TNK1: variants seen among roughly 807,000 people sequenced by gnomAD.
TNK1 encodes non-receptor tyrosine-protein kinase TNK1.
In TNK1, 53 loss-of-function variants were observed where a neutral mutation model predicts 65.2. That is an observed-to-expected ratio of 0.81 (90% confidence interval 0.65 to 1.02). TNK1 has a LOEUF of 1.02. Among genes scored for constraint, TNK1 ranks in the 50% least tolerant of loss-of-function variants. The pLI is 0.00. For missense variants in TNK1, 837 were observed against 878.4 expected (o/e 0.95, Z 0.60); for synonymous variants, 353 against 364.6 (o/e 0.97, Z 0.36).
intron 8 of TNK1, 22 bp downstream of exon 8, chr17:7,386,677 A>T: frequency 6.4e-7 from 1 of 1,552,130 alleles, no homozygotes; most frequent in Non-Finnish European, 8.7e-7. Flanking sequence ...ATACCTCCCA[A>T]GCACCCTCAG....
In TNK1 at chr17:7,383,694, T is replaced by TC; in HGVS notation, c.427-9dup. On this transcript the variant is annotated splice_polypyrimidine_tract_variant and intron_variant, in intron 4 of 12. Transcript: ENST00000688331. ...CATGCCCGCAATGCCTAAAGGCGCT[T>TC]CCCCCCACCTCCAGGTCCCAGTGGC... The TC allele has an allele frequency of 6.2e-7, 1 of 1,610,116 alleles. No individual in the cohort carries two copies. Among genetic ancestry groups the TC allele is most frequent in the Non-Finnish European group, 8.5e-7 (1 of 1,178,014 alleles).
In TNK1 at chr17:7,387,238, A is replaced by G. The variant is rs572639759; in HGVS notation, c.1397+84A>G. On this transcript the variant is annotated intron_variant, in intron 9 of 12. Coordinates refer to ENST00000688331, the MANE Select transcript of TNK1 (RefSeq NM_003985.6). ...GCTTCTCTGGAAGAGAAGCCTGGGG[A>G]CAGGACCAGAGTGAAGCTGCAGCCT... 27 of 1,512,496 alleles carry G rather than the reference A, an allele frequency of 1.8e-5. No homozygotes were observed. In the South Asian group the frequency reaches 2.5e-4, roughly 14 times the overall value. 93.7% of individuals were successfully genotyped at this position (1,512,496 alleles called of 1,614,324 possible). A position where few individuals can be genotyped will look rare whatever the true frequency, so the allele number is the denominator to read the frequency against.
chr17:7,384,055 G>A lies in TNK1; in HGVS notation c.668G>A (p.Cys223Tyr). 6.5e-7 allele frequency: 1 copy of A among 1,534,502 alleles called. No individual in the cohort carries two copies. The highest frequency in any genetic ancestry group is 1.4e-5 in the African/African-American group (1 of 72,774). ...PTPPLLVALL[C>Y]LFLRQLAGAM... The stretch of plus-strand genomic sequence containing the variant: ...CCCCCGCTGCTCGTGGCCCTGCTCT[G>A]CCTCTTCCTGCGGCAGCTGGCGGGA... Residue 223 changes from cysteine to tyrosine, a missense_variant, in exon 6 of 13, where the codon TGC (cysteine) becomes TAC (tyrosine). Coordinates refer to ENST00000688331, the MANE Select transcript of TNK1 (RefSeq NM_003985.6).
chr17:7,384,637 C>A lies in TNK1; in HGVS notation c.1020C>A (p.Ala340=). 1 of 1,610,102 alleles carries A rather than the reference C, an allele frequency of 6.2e-7. No individual in the cohort carries two copies. Among genetic ancestry groups the A allele is most frequent in the Non-Finnish European group, 8.5e-7 (1 of 1,178,594 alleles). The part of the protein sequence containing the change: ...YLILQRLEDR[A]RLPRPPLCSR... ...TCCTGCAGCGGCTGGAGGACAGAGC[C>A]CGGCTGCCTAGGCCTCCCCTCTGCT... is the stretch of plus-strand genomic sequence containing the variant. The change falls in exon 7 of 13, where the codon GCC becomes GCA. Residue 340 remains alanine (A), a synonymous_variant. Transcript: ENST00000688331.
chr17:7,389,141 G>A lies in TNK1; in HGVS notation c.*57G>A. 7.2e-7 allele frequency: 1 copy of A among 1,381,288 alleles called. No homozygotes were observed. The highest frequency in any genetic ancestry group is 1.0e-6 in the Non-Finnish European group (1 of 997,164). The allele number at this position is 1,381,288 out of a possible 1,614,324, so 85.6% of individuals were successfully genotyped here. On this transcript the variant is annotated 3_prime_UTR_variant, in exon 13 of 13. Coordinates refer to ENST00000688331, the MANE Select transcript of TNK1 (RefSeq NM_003985.6). ...GAAAAGCCTAGGCCCCTGAGGGCCT[G>A]GCCACATGGGACCAAGCGGAACCAG...
Position 7,382,038 on chromosome 17 carries a change from C to A in TNK1, c.-91-798C>A, listed in dbSNP as rs948640110. Among the ~76,000 whole-genome samples the A allele has an allele frequency of 6.6e-6, 1 of 152,158 alleles. No individual in the cohort carries two copies. Among genetic ancestry groups the A allele is most frequent in the African/African-American group, 2.4e-5 (1 of 41,446 alleles). ...ATCCCAGCACTTTGGGTGGCCGAGGCGGGCGGATCACGAGGTCAGGAGTTC... is the reference window on the plus strand; with the variant it reads ...ATCCCAGCACTTTGGGTGGCCGAGGAGGGCGGATCACGAGGTCAGGAGTTC... On this transcript the variant is annotated intron_variant, in intron 1 of 12. Coordinates refer to ENST00000688331, the MANE Select transcript of TNK1 (RefSeq NM_003985.6). This position sits in a 1 kb window ranked among gnomAD's most constrained non-coding sequence, Gnocchi z 4.1.
Position 7,383,099 on chromosome 17 carries a change from C to T in TNK1, c.163+10C>T. 2 of 1,613,816 alleles carry T rather than the reference C, an allele frequency of 1.2e-6. No homozygotes were observed. The highest frequency in any genetic ancestry group is 1.7e-6 in the Non-Finnish European group (2 of 1,179,808). ...GGCATGGGCCGGCCTGGTGAGGGAC[C>T]CCTGCCCCGAGGCCCTGGTCTCTCT... is the stretch of plus-strand genomic sequence containing the variant. On this transcript the variant is annotated intron_variant, in intron 2 of 12. Transcript: ENST00000688331.
At position 7,382,287 on chromosome 17, in the gene TNK1, A is replaced by G. The variant is rs2143085844; in HGVS notation, c.-91-549A>G. 6.8e-6 allele frequency among the ~76,000 whole-genome samples: 1 copy of G among 147,640 alleles called. No individual in the cohort carries two copies. Among genetic ancestry groups the G allele is most frequent in the African/African-American group, 2.5e-5 (1 of 40,316 alleles). On this transcript the variant is annotated intron_variant, in intron 1 of 12. Transcript: ENST00000688331. This position sits in a 1 kb window ranked among gnomAD's most constrained non-coding sequence, Gnocchi z 4.1. ...TCTCAAAAAAAAAAAAAAAGAGGACATGTATTTGGGAGTCTCGGCCATGTT... is the reference window on the plus strand; with the variant it reads ...TCTCAAAAAAAAAAAAAAAGAGGACGTGTATTTGGGAGTCTCGGCCATGTT...
At chr17:7,385,146 C>T (rs971907545) in intron 7 of TNK1, among the ~76,000 whole-genome samples, 1 of 152,096 alleles carries the variant, frequency 6.6e-6, no homozygotes, top group African/African-American at 2.4e-5. Flanking sequence ...GGGCAGATCA[C>T]CTGAGGTCGG....
In TNK1 at chr17:7,388,085, G is replaced by C. The variant is rs11867353; in HGVS notation, c.1478-321G>C. 0.069 allele frequency among the ~76,000 whole-genome samples: 10,451 copies of C among 152,192 alleles called. 406 individuals are homozygous for C. The highest frequency in any genetic ancestry group is 0.18 in the East Asian group (921 of 5,156). Reference sequence around the variant, plus strand: ...AACCACCCAGGGACAGGGCTGGCTAGCTCATCTGCAAATGCTTGCAAAACC... The same window carrying C: ...AACCACCCAGGGACAGGGCTGGCTACCTCATCTGCAAATGCTTGCAAAACC... On this transcript the variant is annotated intron_variant, in intron 10 of 12. Coordinates refer to ENST00000688331, the MANE Select transcript of TNK1 (RefSeq NM_003985.6). The surrounding 1 kb of genome is among the most constrained non-coding windows in gnomAD (Gnocchi z 4.5).
At position 7,388,576 on chromosome 17, in the gene TNK1, G is replaced by T. The variant is rs202236967; in HGVS notation, c.1648G>T (p.Glu550Ter). The change falls in exon 11 of 13, where the codon GAG becomes TAG. Residue 550 changes from glutamate (E) to a stop codon, truncating the protein, a stop_gained. Coordinates refer to ENST00000688331, the MANE Select transcript of TNK1 (RefSeq NM_003985.6). LOFTEE classifies it high-confidence loss of function. The surrounding 1 kb of genome is among the most constrained non-coding windows in gnomAD (Gnocchi z 4.5). ...SSPQPSQPSR[E>*]RLPWPKRKPP... ...TCCTCAGCCCAGCCAGCCCTCTAGG[G>T]AGAGGCTTCCCTGGCCCAAAAGAAA... 8.9e-5 allele frequency: 143 copies of T among 1,613,818 alleles called. No homozygotes were observed. The highest frequency in any genetic ancestry group is 1.6e-4 in the Middle Eastern group (1 of 6,084).
At position 7,383,406 on chromosome 17, in the gene TNK1, T is replaced by C; in HGVS notation, c.235-19T>C. ...GGGGCGCAGGGCTCTGCATACCGGA[T>C]TTCCCATCCCTGTTTCAGATCCTTG... On this transcript the variant is annotated intron_variant, in intron 3 of 12. Coordinates refer to ENST00000688331, the MANE Select transcript of TNK1 (RefSeq NM_003985.6). The C allele has an allele frequency of 6.2e-7, 1 of 1,613,920 alleles. No homozygotes were observed. Among genetic ancestry groups the C allele is most frequent in the Non-Finnish European group, 8.5e-7 (1 of 1,179,864 alleles).
In TNK1 at chr17:7,389,318, A is replaced by G. The variant is rs1905435960; in HGVS notation, c.*234A>G. The stretch of plus-strand genomic sequence containing the variant: ...AGGCTGAAGCTCCTTTGGCTGGGCC[A>G]AGAAGGATCTAGTCTGCCCACTACA... On this transcript the variant is annotated 3_prime_UTR_variant, in exon 13 of 13. Transcript: ENST00000688331. The G allele has an allele frequency of 1.7e-6, 1 of 577,070 alleles. No homozygotes were observed. Among genetic ancestry groups the G allele is most frequent in the Non-Finnish European group, 3.1e-6 (1 of 322,896 alleles). The allele number at this position is 577,070 out of a possible 1,614,324, so 35.7% of individuals were successfully genotyped here.
intron 7 of TNK1, among the ~76,000 whole-genome samples, chr17:7,385,016 C>A (rs1462330013): frequency 6.6e-6 from 1 of 152,078 alleles, no homozygotes; most frequent in Non-Finnish European, 1.5e-5. Flanking sequence ...CAGTTGCAGT[C>A]GTGTTGACAC....
At chr17:7,385,087 G>A (rs943452742) in intron 7 of TNK1, among the ~76,000 whole-genome samples, 1 of 152,144 alleles carries the variant, frequency 6.6e-6, no homozygotes, top group Non-Finnish European at 1.5e-5. Context: ...GCCGCAGGCC[G>A]GGCGCGGTGG....
Position 7,389,360 on chromosome 17 carries a change from C to T in TNK1, c.*276C>T. On this transcript the variant is annotated 3_prime_UTR_variant, in exon 13 of 13. Coordinates refer to ENST00000688331, the MANE Select transcript of TNK1 (RefSeq NM_003985.6). ...CCCACTACATTCTCAAACAAGAGGA[C>T]TTGGAAGAAAAGAGCTGCTATACAT... 1 of 535,578 alleles carries T rather than the reference C, an allele frequency of 1.9e-6. No individual in the cohort carries two copies. Among genetic ancestry groups the T allele is most frequent in the Non-Finnish European group, 3.3e-6 (1 of 301,444 alleles). The allele number at this position is 535,578 out of a possible 1,614,324, so 33.2% of individuals were successfully genotyped here.
Position 7,384,484 on chromosome 17 carries a change from GT to G in TNK1, c.868del (p.Cys290ValfsTer22). 6.5e-7 allele frequency: 1 copy of G among 1,544,062 alleles called. No individual in the cohort carries two copies. Among genetic ancestry groups the G allele is most frequent in the South Asian group, 1.2e-5 (1 of 80,516 alleles). Reference protein sequence around the residue: ...GGPRPIPYAWCAPESLRHGAF... With the variant: ...GGPRPIPYAWXAPESLRHGAF... ...CTTTCAGCTCCACTTCCTTCGGCAG[GT>G]GTGCCCCAGAGAGCCTGCGCCACGG... is the stretch of plus-strand genomic sequence containing the variant. On this transcript the variant is annotated frameshift_variant and splice_region_variant, in exon 7 of 13. Transcript: ENST00000688331. LOFTEE classifies it high-confidence loss of function.
At position 7,382,985 on chromosome 17, in the gene TNK1, C is replaced by A; in HGVS notation, c.59C>A (p.Ala20Asp). Residue 20 changes from alanine (A) to aspartate (D), a missense_variant, in exon 2 of 13, where the codon GCC becomes GAC. Transcript: ENST00000688331. This position sits in a 1 kb window ranked among gnomAD's most constrained non-coding sequence, Gnocchi z 4.1. Reference sequence around the variant, plus strand: ...AAGCTGCTCCGGGACATCCAGTTGGCCCAGTTTTACTGGCCCATCCTTGAG... The same window carrying A: ...AAGCTGCTCCGGGACATCCAGTTGGACCAGTTTTACTGGCCCATCCTTGAG... ...LLKLLRDIQL[A>D]QFYWPILEEL... The A allele has an allele frequency of 6.2e-7, 1 of 1,614,012 alleles. No homozygotes were observed. Among genetic ancestry groups the A allele is most frequent in the Non-Finnish European group, 8.5e-7 (1 of 1,179,886 alleles).
At chr17:7,385,710 G>A (rs150105875) in intron 7 of TNK1, among the ~76,000 whole-genome samples, 6,980 of 151,986 alleles carry the variant, frequency 0.046, 207 homozygotes, top group Middle Eastern at 0.14. Flanking sequence ...GATTACAGGC[G>A]CCTGCCACCA....
Sources: allele counts gnomAD v4.1 joint callset (sites outside exome capture counted in the v4.1 genomes callset), GRCh38; gene constraint gnomAD v4.1.1; non-coding constraint Gnocchi (gnomAD v3.1); transcripts MANE v1.5; gene names NCBI Gene and HGNC (gene_info 2026-07-23, HGNC 2026-07-21).